The following ZNF177 variants were observed in gnomAD, a reference collection of about 807,000 sequenced individuals.
ZNF177 encodes the protein zinc finger protein 177.
ZNF177 carries 17 observed loss-of-function variants against 19.4 expected under a neutral mutation model. That is an observed-to-expected ratio of 0.87 (90% CI 0.60 to 1.31). ZNF177 has a LOEUF of 1.31. Ranked by LOEUF, ZNF177 falls within the 40% of genes most tolerant of loss-of-function variation. The probability of loss-of-function intolerance (pLI) is 0.00; values close to 1 mark genes in which losing one functional copy is unlikely to be tolerated. For missense variants in ZNF177, 633 were observed against 561.8 expected, an observed-to-expected ratio of 1.13 and a Z score of -1.28; for synonymous variants, 220 against 188.7, an observed-to-expected ratio of 1.17 and a Z score of -1.36.
intron 1 of ZNF177, among the ~76,000 whole-genome samples, chr19:9,363,818 A>G (rs1489958117): frequency 3.9e-5 from 6 of 152,082 alleles, no homozygotes; most frequent in African/African-American, 1.2e-4. Context: ...TTATAATCCT[A>G]TTACGACCCA....
At chr19:9,376,451 CAT>C (rs1308604509) in intron 1 of ZNF177, 28 bp downstream of exon 3, 1 of 152,108 alleles carries the variant, frequency 6.6e-6, no homozygotes, top group Non-Finnish European at 1.5e-5. Context: ...CCTTTTTGTT[CAT>C]TCTTCTGTGG....
intron 2 of ZNF177, among the ~76,000 whole-genome samples, chr19:9,369,084 G>A (rs1480132968): frequency 1.3e-5 from 2 of 151,950 alleles, no homozygotes; most frequent in Non-Finnish European, 2.9e-5. Context: ...CATACAGTAT[G>A]GTCAGTTTTT....
chr19:9,381,598 A>ACC lies in ZNF177; in HGVS notation c.1268_1269dup (p.Tyr424ProfsTer17), dbSNP rs747797748. ...CAAGAGAACTCACACTGGTGAGAAA[A>ACC]CCTATGAGTGTAAAGAATGTGGGAA... On this transcript the variant is annotated frameshift_variant, in exon 6 of 6. Coordinates refer to ENST00000589262, the Ensembl canonical transcript of ZNF177. LOFTEE classifies it low-confidence loss of function (END_TRUNC). 7 of 1,612,232 alleles carry ACC rather than the reference A, an allele frequency of 4.3e-6. No homozygotes were observed. Among genetic ancestry groups the ACC allele is most frequent in the Non-Finnish European group, 5.9e-6 (7 of 1,179,500 alleles).
chr19:9,381,840 G>GAGAGA, exon 6 of ZNF177: 1 of 1,527,622 alleles, frequency 6.5e-7, no homozygotes, highest in Middle Eastern at 1.8e-4. Flanking sequence ...ACATATATTG[G>GAGAGA]AGAGAAGCCC....
chr19:9,373,590 C>T (rs1203020687), upstream of ZNF177, among the ~76,000 whole-genome samples: 1 of 152,168 alleles, frequency 6.6e-6, no homozygotes, highest in Non-Finnish European at 1.5e-5. Flanking sequence ...TTCCCTTTCT[C>T]CACATCCAAC....
chr19:9,377,438 T>TTG (rs1336623896), intron 1 of ZNF177, among the ~76,000 whole-genome samples: 1 of 152,170 alleles, frequency 6.6e-6, no homozygotes, highest in Non-Finnish European at 1.5e-5. Flanking sequence ...CTAGAAGTCA[T>TTG]TGTCACCATA....
At chr19:9,371,295 C>A (rs1421150643) in intron 2 of ZNF177, among the ~76,000 whole-genome samples, 2 of 151,972 alleles carry the variant, frequency 1.3e-5, no homozygotes, top group East Asian at 1.9e-4. Flanking sequence ...TTATTTTAGA[C>A]CCCTTAAGTT....
chr19:9,366,464 C>A (rs557003493), intron 2 of ZNF177, among the ~76,000 whole-genome samples: 32 of 152,196 alleles, frequency 2.1e-4, no homozygotes, highest in African/African-American at 7.7e-4. Context: ...CACTGTGTTA[C>A]CAGGCTGGTC....
intron 2 of ZNF177, among the ~76,000 whole-genome samples, chr19:9,365,921 A>G (rs1216438277): frequency 1.3e-5 from 2 of 152,200 alleles, no homozygotes; most frequent in African/African-American, 4.8e-5. Context: ...ACCTGAGGTC[A>G]TAGGTGGATC....
At chr19:9,382,582 C>T (rs138090411), downstream of ZNF177, 17 of 394,194 alleles carry the variant, frequency 4.3e-5, no homozygotes, top group Admixed American at 2.7e-4. Context: ...CCAACTGTTA[C>T]ATCTAATAAA....
At chr19:9,379,227 C>T in intron 3 of ZNF177, 139 bp downstream of exon 5, 1 of 1,342,638 alleles carries the variant, frequency 7.4e-7, no homozygotes, top group Non-Finnish European at 9.9e-7. Flanking sequence ...AGGGGGCAGT[C>T]CAGTGGCTTC....
chr19:9,371,276 AT>A (rs766200871), intron 2 of ZNF177, among the ~76,000 whole-genome samples: 2 of 149,370 alleles, frequency 1.3e-5, no homozygotes, highest in Non-Finnish European at 1.5e-5. Context: ...GGGTCCCAAC[AT>A]TTTTTTTTTA....
At chr19:9,377,154 A>G (rs1031961187) in intron 1 of ZNF177, among the ~76,000 whole-genome samples, 4 of 152,216 alleles carry the variant, frequency 2.6e-5, no homozygotes, top group Admixed American at 6.5e-5. Context: ...AATTCCAATC[A>G]CCTAATGACA....
intron 2 of ZNF177, among the ~76,000 whole-genome samples, chr19:9,369,146 T>C (rs1318537375): frequency 6.6e-6 from 1 of 152,080 alleles, no homozygotes; most frequent in African/African-American, 2.4e-5. Flanking sequence ...ATACATTCAG[T>C]AGTGTCCCTC....
At chr19:9,363,920 T>C (rs1379423592) in intron 1 of ZNF177, among the ~76,000 whole-genome samples, 1 of 152,204 alleles carries the variant, frequency 6.6e-6, no homozygotes, top group East Asian at 1.9e-4. Flanking sequence ...GAAAGAAAGC[T>C]TTCAGCTTGT....
chr19:9,379,694 G>A (rs2068162730), intron 4 of ZNF177, 75 bp downstream of exon 6: 5 of 1,514,746 alleles, frequency 3.3e-6, no homozygotes, highest in Non-Finnish European at 4.5e-6. Context: ...CTCAGTGAAG[G>A]AAAAGAAATC....
intron 2 of ZNF177, 110 bp downstream of exon 2, chr19:9,365,058 G>C (rs2067958765): frequency 1.3e-5 from 2 of 152,202 alleles, no homozygotes; most frequent in Non-Finnish European, 2.9e-5. Flanking sequence ...TTTCAGTGAT[G>C]TGTGTAGTTG....
Position 9,380,050 on chromosome 19 carries a change from A to G in ZNF177, c.254-7A>G. ...CAATAATTATAAAAATTCCTGTGCT[A>G]TTTCAGACTGGGAAACTCAACTTAA... On this transcript the variant is annotated splice_region_variant and splice_polypyrimidine_tract_variant and intron_variant, in intron 4 of 5. Transcript: ENST00000589262. The G allele has an allele frequency of 6.2e-7, 1 of 1,609,168 alleles. No homozygotes were observed. The highest frequency in any genetic ancestry group is 8.5e-7 in the Non-Finnish European group (1 of 1,178,924).
Position 9,381,902 on chromosome 19 carries a change from T to C in ZNF177, c.*125T>C, listed in dbSNP as rs146870497. 4,538 of 1,396,092 alleles carry C rather than the reference T, an allele frequency of 3.3e-3. 9 individuals are homozygous for C. The highest frequency in any genetic ancestry group is 4.0e-3 in the Non-Finnish European group (4,202 of 1,041,522). 86.5% of individuals were successfully genotyped at this position (1,396,092 alleles called of 1,614,324 possible). A position where few individuals can be genotyped will look rare whatever the true frequency, so the allele number is the denominator to read the frequency against. ...CTGGCCCAACTCTGGATGCCTGTTATACTGGGACAAACCTTATAAATGTTA... is the reference window on the plus strand; with the variant it reads ...CTGGCCCAACTCTGGATGCCTGTTACACTGGGACAAACCTTATAAATGTTA... On this transcript the variant is annotated 3_prime_UTR_variant, in exon 6 of 6. Transcript: ENST00000589262.
Sources: gnomAD v4.1 joint callset for allele counts (sites outside exome capture counted in the v4.1 genomes callset) on GRCh38, gnomAD v4.1.1 for gene constraint, MANE v1.5 for transcripts, NCBI Gene and HGNC (gene_info 2026-07-23, HGNC 2026-07-21) for gene names.